Variants in AFF3 observed in about 807,000 individuals in gnomAD.
The protein encoded by AFF3 is AF4/FMR2 family member 3.
A neutral mutation model predicts 129.7 loss-of-function variants in AFF3; 32 were observed. That is an observed-to-expected ratio of 0.25 (90% CI 0.19 to 0.33). The LOEUF is 0.33. Ranked by LOEUF, AFF3 falls within the 10% of genes least tolerant of loss-of-function variation. The pLI, the probability that AFF3 is intolerant of heterozygous loss-of-function variation, is 1.00. For missense variants in AFF3, 1,373 were observed against 1,592.0 expected (o/e 0.86, Z 2.34); for synonymous variants, 644 against 635.4 (o/e 1.01, Z -0.20).
intron 10 of AFF3, among the ~76,000 whole-genome samples, chr2:99,741,905 A>G (rs1465804511): frequency 3.3e-5 from 5 of 152,194 alleles, no homozygotes; most frequent in African/African-American, 1.2e-4. Flanking sequence ...TACTGGAATC[A>G]TGATTCCTAA....
At chr2:100,048,125 G>T (rs1428576391) in intron 4 of AFF3, among the ~76,000 whole-genome samples, 1 of 152,126 alleles carries the variant, frequency 6.6e-6, no homozygotes, top group Non-Finnish European at 1.5e-5. Context: ...ACATAAACAT[G>T]ACATATTTTA....
chr2:99,649,573 G>C (rs967437446), intron 13 of AFF3, 53 bp downstream of exon 13: 2 of 1,556,424 alleles, frequency 1.3e-6, no homozygotes, highest in Admixed American at 3.4e-5. Context: ...ACAATAAATA[G>C]GGCTCAATGT....
At chr2:99,788,414 C>T (rs1023956542) in intron 8 of AFF3, among the ~76,000 whole-genome samples, 1 of 152,054 alleles carries the variant, frequency 6.6e-6, no homozygotes, top group South Asian at 2.1e-4. Context: ...TGACCCTGTG[C>T]AGGCCTACAC....
chr2:99,937,686 C>T (rs759260306), intron 7 of AFF3, among the ~76,000 whole-genome samples: 8 of 152,160 alleles, frequency 5.3e-5, no homozygotes, highest in Non-Finnish European at 2.9e-5. Context: ...CATAAGCCAC[C>T]GCGCCCGGCC....
chr2:99,684,492 G>A (rs150034215), intron 11 of AFF3, among the ~76,000 whole-genome samples: 4 of 152,232 alleles, frequency 2.6e-5, no homozygotes, highest in South Asian at 2.1e-4. Context: ...TAAGCAGATC[G>A]TATAAACGTG....
At chr2:99,723,568 T>C (rs544595891) in intron 11 of AFF3, among the ~76,000 whole-genome samples, 8 of 152,282 alleles carry the variant, frequency 5.3e-5, no homozygotes, top group African/African-American at 1.9e-4. Flanking sequence ...GCTCCACTCC[T>C]GCAGCTGCCA....
intron 14 of AFF3, among the ~76,000 whole-genome samples, chr2:99,598,331 TCTC>T (rs1260806808): frequency 2.0e-5 from 3 of 152,046 alleles, no homozygotes; most frequent in Non-Finnish European, 1.5e-5. Context: ...AAAAGCAACT[TCTC>T]CTGCAAAGCT....
Position 100,006,882 on chromosome 2 carries a change from C to A in AFF3, c.623G>T (p.Ser208Ile). 1 of 1,614,198 alleles carries A rather than the reference C, an allele frequency of 6.2e-7. No individual in the cohort carries two copies. Among genetic ancestry groups the A allele is most frequent in the Non-Finnish European group, 8.5e-7 (1 of 1,180,034 alleles). ...AAAGTTCTGAACACAGTGTCCGCTG[C>A]TGCTGTGCTTGGCCGCCATGGCAGG... ...RPPAMAAKHS[S>I]SGHCVQNFPP... Residue 208 changes from serine (S) to isoleucine (I), a missense_variant, in exon 7 of 25, where the codon AGC becomes ATC. Coordinates refer to ENST00000672756, the MANE Select transcript of AFF3 (RefSeq NM_001386135.1).
intron 4 of AFF3, among the ~76,000 whole-genome samples, chr2:100,102,207 C>G (rs1690786333): frequency 6.6e-6 from 1 of 150,630 alleles, no homozygotes; most frequent in Non-Finnish European, 1.5e-5. Context: ...AACCATAAAA[C>G]TGAGAACATA....
chr2:100,067,767 T>A (rs1018397483), intron 4 of AFF3, among the ~76,000 whole-genome samples: 6 of 152,112 alleles, frequency 3.9e-5, no homozygotes, highest in East Asian at 3.9e-4. Flanking sequence ...GAGAACTATG[T>A]CCTAGAAAAT....
intron 12 of AFF3, among the ~76,000 whole-genome samples, chr2:99,668,455 C>A (rs1305397460): frequency 1.3e-5 from 2 of 152,000 alleles, no homozygotes; most frequent in African/African-American, 2.4e-5. Flanking sequence ...CAGGCATGAG[C>A]CACCACACCC....
chr2:100,081,039 T>G (rs1479696197), intron 4 of AFF3, among the ~76,000 whole-genome samples: 1 of 151,946 alleles, frequency 6.6e-6, no homozygotes, highest in Non-Finnish European at 1.5e-5. Context: ...CTTCTAAGTT[T>G]TCTGCTGGGG....
At chr2:99,675,254 A>G (rs1465790817) in intron 11 of AFF3, among the ~76,000 whole-genome samples, 31 of 152,230 alleles carry the variant, frequency 2.0e-4, no homozygotes, top group Non-Finnish European at 4.4e-5. Context: ...AGAAGTTCAA[A>G]TCTAACTAAA....
chr2:100,061,949 G>C (rs2105236515), intron 4 of AFF3, among the ~76,000 whole-genome samples: 1 of 152,216 alleles, frequency 6.6e-6, no homozygotes, highest in East Asian at 1.9e-4. Flanking sequence ...AATTTTGGAG[G>C]CCTGCTGGAC....
intron 7 of AFF3, among the ~76,000 whole-genome samples, chr2:99,862,378 G>A (rs1005854147): frequency 6.6e-6 from 1 of 152,124 alleles, no homozygotes; most frequent in Non-Finnish European, 1.5e-5. Context: ...GCCAAAATGT[G>A]CTGAACTTTT....
At chr2:99,772,923 T>C (rs1683607009) in intron 8 of AFF3, among the ~76,000 whole-genome samples, 1 of 152,242 alleles carries the variant, frequency 6.6e-6, no homozygotes, top group Non-Finnish European at 1.5e-5. Flanking sequence ...CAGCCTTGTC[T>C]CAGGCCTGCC....
At chr2:99,953,700 T>C (rs1294168782) in intron 7 of AFF3, among the ~76,000 whole-genome samples, 1 of 151,852 alleles carries the variant, frequency 6.6e-6, no homozygotes, top group African/African-American at 2.4e-5. Flanking sequence ...ATGAGAAAAA[T>C]AACAGTTTCT....
intron 4 of AFF3, among the ~76,000 whole-genome samples, chr2:100,087,951 CT>C (rs1167659539): frequency 4.0e-5 from 6 of 150,120 alleles, no homozygotes; most frequent in Non-Finnish European, 7.4e-5. Flanking sequence ...GTAGAAAAGC[CT>C]TTGACAAAAA....
intron 11 of AFF3, among the ~76,000 whole-genome samples, chr2:99,725,519 G>A (rs963940969): frequency 2.3e-4 from 35 of 152,046 alleles, no homozygotes; most frequent in African/African-American, 5.5e-4. Flanking sequence ...TAGTAGAGAC[G>A]AGGTTTTGCC....
Sources: gnomAD v4.1 joint callset for allele counts (sites outside exome capture counted in the v4.1 genomes callset) on GRCh38, gnomAD v4.1.1 for gene constraint, MANE v1.5 for transcripts, NCBI Gene and HGNC (gene_info 2026-07-23, HGNC 2026-07-21) for gene names.